The following ZNF804B variants were observed in gnomAD, a reference collection of about 807,000 sequenced individuals.
ZNF804B encodes the protein zinc finger protein 804B.
In ZNF804B, 80 loss-of-function variants were observed where a neutral mutation model predicts 101.4. The ratio of observed to expected loss-of-function variants is 0.79; its 90% CI spans 0.66 to 0.95. The LOEUF (loss-of-function observed/expected upper bound fraction) is 0.95, where lower values mean the gene tolerates loss of function less well. Among genes scored for constraint, ZNF804B ranks in the 40% least tolerant of loss-of-function variants. The probability of loss-of-function intolerance (pLI) is 0.00; values close to 1 mark genes in which losing one functional copy is unlikely to be tolerated. For synonymous variants in ZNF804B, 622 were observed against 558.8 expected, an observed-to-expected ratio of 1.11 and a Z score of -1.59; for missense variants, 1,673 against 1,561.9, an observed-to-expected ratio of 1.07 and a Z score of -1.20.
At chr7:89,070,546 C>T (rs73391228) in intron 1 of ZNF804B, among the ~76,000 whole-genome samples, 32 of 152,212 alleles carry the variant, frequency 2.1e-4, no homozygotes, top group African/African-American at 7.5e-4. Flanking sequence ...GAGCTGAGAG[C>T]AAGTTAACTA....
At chr7:88,840,350 A>T (rs2115803228) in intron 1 of ZNF804B, among the ~76,000 whole-genome samples, 1 of 152,224 alleles carries the variant, frequency 6.6e-6, no homozygotes, top group African/African-American at 2.4e-5. Flanking sequence ...TCCTCTGCTA[A>T]TGAGTATTTC....
intron 1 of ZNF804B, among the ~76,000 whole-genome samples, chr7:88,901,500 T>G (rs1792390030): frequency 6.6e-6 from 1 of 151,846 alleles, no homozygotes; most frequent in Admixed American, 6.6e-5. Flanking sequence ...ACTTTACTAT[T>G]TGCATTCCAT....
At chr7:89,270,182 G>T (rs1206455045) in intron 2 of ZNF804B, among the ~76,000 whole-genome samples, 1 of 152,112 alleles carries the variant, frequency 6.6e-6, no homozygotes, top group African/African-American at 2.4e-5. Flanking sequence ...TTCTTCTAGG[G>T]TTTGTATGGT....
intron 1 of ZNF804B, among the ~76,000 whole-genome samples, chr7:88,983,289 G>C (rs146516660): frequency 2.6e-5 from 4 of 152,086 alleles, no homozygotes; most frequent in Non-Finnish European, 5.9e-5. Context: ...TGAGAAGTTT[G>C]CTGTTATAGA....
chr7:89,108,167 T>C (rs934339463), intron 1 of ZNF804B, among the ~76,000 whole-genome samples: 1 of 152,040 alleles, frequency 6.6e-6, no homozygotes, highest in Admixed American at 6.6e-5. Context: ...AGTTTGATGA[T>C]TTTCCTCCTT....
intron 1 of ZNF804B, among the ~76,000 whole-genome samples, chr7:88,886,541 C>A (rs1387902212): frequency 2.6e-5 from 4 of 152,010 alleles, no homozygotes; most frequent in Admixed American, 6.6e-5. Context: ...TGATAAAGAA[C>A]ATTTTATTTT....
chr7:88,833,076 T>C (rs1288520075), intron 1 of ZNF804B, among the ~76,000 whole-genome samples: 1 of 151,952 alleles, frequency 6.6e-6, no homozygotes. Context: ...TAACCTGTTG[T>C]AAATTTATAT....
chr7:88,821,657 C>G (rs1790983408), intron 1 of ZNF804B, among the ~76,000 whole-genome samples: 1 of 152,108 alleles, frequency 6.6e-6, no homozygotes, highest in Non-Finnish European at 1.5e-5. Flanking sequence ...GTCAAACATT[C>G]TTTTAGAAAA....
chr7:89,113,016 A>G (rs770271876), intron 1 of ZNF804B, among the ~76,000 whole-genome samples: 2 of 152,216 alleles, frequency 1.3e-5, no homozygotes, highest in Non-Finnish European at 2.9e-5. Flanking sequence ...ACATACATAT[A>G]ATTTATTGCT....
Position 89,337,429 on chromosome 7 carries a change from T to C in ZNF804B, c.*397T>C, listed in dbSNP as rs549043396. ...GTTGTGTGAATGAATGAGTGTTGATTTGGCTTATTTGTTAGATAATAAAAG... is the reference window on the plus strand; with the variant it reads ...GTTGTGTGAATGAATGAGTGTTGATCTGGCTTATTTGTTAGATAATAAAAG... On this transcript the variant is annotated 3_prime_UTR_variant, in exon 4 of 4. Coordinates refer to ENST00000333190, the MANE Select transcript of ZNF804B (RefSeq NM_181646.5). Among the ~76,000 whole-genome samples the C allele has an allele frequency of 2.1e-4, 32 of 152,228 alleles. No individual in the cohort carries two copies. The highest frequency in any genetic ancestry group is 3.7e-4 in the Non-Finnish European group (25 of 67,972).
At chr7:88,997,119 A>C (rs970565511) in intron 1 of ZNF804B, among the ~76,000 whole-genome samples, 2 of 152,140 alleles carry the variant, frequency 1.3e-5, no homozygotes, top group African/African-American at 4.8e-5. Context: ...TGAATTAGGG[A>C]CACTGTTCCA....
intron 1 of ZNF804B, among the ~76,000 whole-genome samples, chr7:89,214,788 A>C (rs1788864538): frequency 6.6e-6 from 1 of 152,200 alleles, no homozygotes; most frequent in African/African-American, 2.4e-5. Context: ...AAGACCCAGT[A>C]AGAAATTGAC....
chr7:89,085,079 G>C (rs1421196592), intron 1 of ZNF804B, among the ~76,000 whole-genome samples: 2 of 151,734 alleles, frequency 1.3e-5, no homozygotes, highest in African/African-American at 2.4e-5. Flanking sequence ...CTTTCTTTAG[G>C]TTAATCTTTC....
intron 1 of ZNF804B, among the ~76,000 whole-genome samples, chr7:89,038,830 T>G (rs1159455859): frequency 6.6e-6 from 1 of 152,138 alleles, no homozygotes; most frequent in African/African-American, 2.4e-5. Context: ...CAGTTGATTT[T>G]TGTATATGAT....
intron 1 of ZNF804B, among the ~76,000 whole-genome samples, chr7:88,892,374 C>T (rs1411051389): frequency 6.6e-6 from 1 of 152,074 alleles, no homozygotes; most frequent in Non-Finnish European, 1.5e-5. Flanking sequence ...TTAATTTCCA[C>T]TCTAACTTGT....
At chr7:88,896,887 A>G (rs1258693390) in intron 1 of ZNF804B, among the ~76,000 whole-genome samples, 1 of 152,174 alleles carries the variant, frequency 6.6e-6, no homozygotes, top group Non-Finnish European at 1.5e-5. Flanking sequence ...TATGCATGTT[A>G]ATTTTTCTCA....
chr7:88,944,936 G>A (rs1793105388), intron 1 of ZNF804B, among the ~76,000 whole-genome samples: 2 of 151,718 alleles, frequency 1.3e-5, no homozygotes, highest in Admixed American at 1.3e-4. Flanking sequence ...TAAAAGATGG[G>A]GTTGTTTTTT....
intron 1 of ZNF804B, among the ~76,000 whole-genome samples, chr7:88,877,059 T>TGAAAAAAAAAA (rs1791964041): frequency 1.4e-5 from 1 of 69,166 alleles, no homozygotes; most frequent in Non-Finnish European, 2.6e-5. Flanking sequence ...ATTTTTTTTT[T>TGAAAAAAAAAA]TTTTTTTTTT....
chr7:89,198,449 T>C (rs1029996867), intron 1 of ZNF804B, among the ~76,000 whole-genome samples: 1 of 151,930 alleles, frequency 6.6e-6, no homozygotes, highest in Non-Finnish European at 1.5e-5. Flanking sequence ...TTTCTTCTAA[T>C]GAAAGCATTA....
Sources: allele counts gnomAD v4.1 joint callset (sites outside exome capture counted in the v4.1 genomes callset), GRCh38; gene constraint gnomAD v4.1.1; transcripts MANE v1.5; gene names NCBI Gene and HGNC (gene_info 2026-07-23, HGNC 2026-07-21).